The following TAF15 variants were observed in gnomAD, a reference collection of about 807,000 sequenced individuals.
TAF15 encodes the protein TATA-binding protein-associated factor 2N.
Under a neutral mutation model 102.5 loss-of-function variants are expected in TAF15, and 37 were observed. That is an observed-to-expected ratio of 0.36 (90% CI 0.28 to 0.47). The LOEUF is 0.47. Among genes scored for constraint, TAF15 ranks in the 20% least tolerant of loss-of-function variants. The pLI is 0.99. For synonymous variants in TAF15, 273 were observed against 259.2 expected (o/e 1.05, Z -0.51); for missense variants, 652 against 760.7 (o/e 0.86, Z 1.68).
Position 35,820,213 on chromosome 17 carries a change from A to G in TAF15, c.149A>G (p.Tyr50Cys). ...ACTGATTCCTCTTATGGACAGAACT[A>G]CAGCGGTTACTCCAGTTATGGACAA... The part of the protein sequence containing the change: ...QTTDSSYGQN[Y>C]SGYSSYGQSQ... The change falls in exon 4 of 16, where the codon TAC (tyrosine) becomes TGC (cysteine). Residue 50 changes from tyrosine to cysteine, a missense_variant. Physicochemically the swap from Tyr to Cys is radical, Grantham distance 194. Coordinates refer to ENST00000605844, the MANE Select transcript of TAF15 (RefSeq NM_139215.3). 1.9e-6 allele frequency: 3 copies of G among 1,614,126 alleles called. No homozygotes were observed. Among genetic ancestry groups the G allele is most frequent in the African/African-American group, 1.3e-5 (1 of 75,062 alleles).
chr17:35,822,149 C>G (rs181374224), intron 5 of TAF15, among the ~76,000 whole-genome samples: 4 of 151,880 alleles, frequency 2.6e-5, no homozygotes, highest in Non-Finnish European at 5.9e-5. Context: ...AAAGACCAGC[C>G]TGACCAACAT....
chr17:35,842,151 G>A lies in TAF15; in HGVS notation c.914-216G>A, dbSNP rs9894083. Among the ~76,000 whole-genome samples the A allele has an allele frequency of 0.1, 15,550 of 151,624 alleles. 925 individuals carry two copies. Among genetic ancestry groups the A allele is most frequent in the East Asian group, 0.22 (1,112 of 5,156 alleles). On this transcript the variant is annotated intron_variant, in intron 11 of 15. Transcript: ENST00000605844. ...TTTTTTGTTTTTGTTTTTTTTTTAAGCTTAGTAAGAAGTGACTGTCTCCCA... is the reference window on the plus strand; with the variant it reads ...TTTTTTGTTTTTGTTTTTTTTTTAAACTTAGTAAGAAGTGACTGTCTCCCA...
chr17:35,811,550 C>G (rs2087124640), intron 1 of TAF15: 1 of 152,182 alleles, frequency 6.6e-6, no homozygotes, highest in Middle Eastern at 3.4e-3. Flanking sequence ...TTGACTTGTT[C>G]TTTGATGAAT....
intron 1 of TAF15, among the ~76,000 whole-genome samples, chr17:35,811,935 C>G (rs1445983888): frequency 6.6e-6 from 1 of 152,126 alleles, no homozygotes; most frequent in Non-Finnish European, 1.5e-5. Flanking sequence ...CCCCCAGTGC[C>G]AAAAATGAAG....
intron 2 of TAF15, 71 bp downstream of exon 2, chr17:35,817,826 T>C: frequency 4.6e-6 from 6 of 1,298,872 alleles, no homozygotes; most frequent in Non-Finnish European, 5.6e-6. Context: ...CTTCTTCTCT[T>C]GAGACTTGAT....
intron 7 of TAF15, among the ~76,000 whole-genome samples, chr17:35,831,752 G>T (rs903183169): frequency 3.9e-5 from 6 of 152,046 alleles, no homozygotes; most frequent in Non-Finnish European, 7.4e-5. Flanking sequence ...ATAAGAACGT[G>T]GGCTTAAGTT....
At chr17:35,829,018 G>A (rs1213655239) in intron 7 of TAF15, among the ~76,000 whole-genome samples, 1 of 152,102 alleles carries the variant, frequency 6.6e-6, no homozygotes, top group East Asian at 1.9e-4. Flanking sequence ...ATGCATGTAA[G>A]ACATAGGAGG....
chr17:35,818,866 G>A (rs946425722), intron 2 of TAF15, among the ~76,000 whole-genome samples: 4 of 151,534 alleles, frequency 2.6e-5, no homozygotes. Flanking sequence ...TTTAGAAAAA[G>A]CGTTTTATTA....
At chr17:35,819,687 A>C (rs1463263964) in intron 2 of TAF15, among the ~76,000 whole-genome samples, 1 of 152,200 alleles carries the variant, frequency 6.6e-6, no homozygotes, top group Non-Finnish European at 1.5e-5. Context: ...GGTATTTATT[A>C]TAAGTCTTGC....
rs762688440 is a variant in TAF15 at position 35,838,596 on chromosome 17, T to C, written c.913+43T>C. 3.1e-6 allele frequency: 5 copies of C among 1,607,622 alleles called. No individual in the cohort carries two copies. In the African/African-American group the frequency reaches 5.5e-5, roughly 18 times the overall value. On this transcript the variant is annotated intron_variant, in intron 11 of 15. Transcript: ENST00000605844. ...AGTTTTCAGCATGAAGTTGGATAAA[T>C]GTTTTCTAGTCTGAAAGTGAGAATA...
At chr17:35,821,466 G>A (rs192690677) in intron 5 of TAF15, among the ~76,000 whole-genome samples, 1 of 152,280 alleles carries the variant, frequency 6.6e-6, no homozygotes, top group African/African-American at 2.4e-5. Flanking sequence ...AAAGTGCTAG[G>A]GTTTGGACTG....
chr17:35,832,099 A>C (rs902729435), intron 7 of TAF15, among the ~76,000 whole-genome samples: 1 of 152,018 alleles, frequency 6.6e-6, no homozygotes, highest in African/African-American at 2.4e-5. Flanking sequence ...ACAAAAAAAA[A>C]CCTCTGAGAT....
chr17:35,819,914 C>A, intron 2 of TAF15, 110 bp from the exon 3 acceptor site: 1 of 945,624 alleles, frequency 1.1e-6, no homozygotes, highest in Non-Finnish European at 1.7e-6. Flanking sequence ...GATGATTTCT[C>A]AGCAAAGAAG....
intron 7 of TAF15, among the ~76,000 whole-genome samples, chr17:35,828,800 T>C (rs1369984521): frequency 6.6e-6 from 1 of 151,394 alleles, no homozygotes; most frequent in Non-Finnish European, 1.5e-5. Flanking sequence ...AAAAAAGTAC[T>C]GTACATTCCT....
intron 1 of TAF15, among the ~76,000 whole-genome samples, chr17:35,814,579 G>A (rs1245762366): frequency 1.3e-5 from 2 of 151,014 alleles, no homozygotes; most frequent in African/African-American, 2.4e-5. Context: ...AATATATACA[G>A]AAAACAGGCC....
intron 7 of TAF15, among the ~76,000 whole-genome samples, chr17:35,827,195 G>A (rs1164661990): frequency 6.6e-6 from 1 of 151,954 alleles, no homozygotes; most frequent in Non-Finnish European, 1.5e-5. Context: ...AATTAGCCGG[G>A]TGTGGTGGCG....
chr17:35,842,976 A>G (rs1423740986), intron 12 of TAF15, among the ~76,000 whole-genome samples: 1 of 151,940 alleles, frequency 6.6e-6, no homozygotes, highest in Non-Finnish European at 1.5e-5. Context: ...TGATCCAGCC[A>G]CCTTGGCCTT....
In TAF15 at chr17:35,847,200, G is replaced by A; in HGVS notation, c.*255G>A. ...ATATTGCCAAAATGAAAAGTGTTTTGTAATACTGCAATAAAGGCTGCTTGT... is the reference window on the plus strand; with the variant it reads ...ATATTGCCAAAATGAAAAGTGTTTTATAATACTGCAATAAAGGCTGCTTGT... On this transcript the variant is annotated 3_prime_UTR_variant, in exon 16 of 16. Coordinates refer to ENST00000605844, the MANE Select transcript of TAF15 (RefSeq NM_139215.3). 1.7e-6 allele frequency: 1 copy of A among 605,210 alleles called. No individual in the cohort carries two copies. Among genetic ancestry groups the A allele is most frequent in the South Asian group, 2.0e-5 (1 of 49,542 alleles). The allele number at this position is 605,210 out of a possible 1,614,324, so 37.5% of individuals were successfully genotyped here. A position where few individuals can be genotyped will look rare whatever the true frequency, so the allele number is the denominator to read the frequency against.
At chr17:35,829,420 C>T (rs1187490184) in intron 7 of TAF15, among the ~76,000 whole-genome samples, 2 of 149,978 alleles carry the variant, frequency 1.3e-5, no homozygotes, top group Non-Finnish European at 3.0e-5. Context: ...ATCACGAGGT[C>T]GGGAGATCGA....
Sources: allele counts gnomAD v4.1 joint callset (sites outside exome capture counted in the v4.1 genomes callset), GRCh38; gene constraint gnomAD v4.1.1; transcripts MANE v1.5; gene names NCBI Gene and HGNC (gene_info 2026-07-23, HGNC 2026-07-21).